Variants in TCF12 observed in about 807,000 individuals in gnomAD.
TCF12 encodes the protein transcription factor 12.
Under a neutral mutation model 86.0 loss-of-function variants are expected in TCF12, and 45 were observed. The observed-to-expected ratio is 0.52, with a 90% confidence interval of 0.41 to 0.67. The LOEUF (loss-of-function observed/expected upper bound fraction) is 0.67. Among genes scored for constraint, TCF12 ranks in the 30% least tolerant of loss-of-function variants. TCF12 has a pLI of 0.00. For missense variants in TCF12, 881 were observed against 859.9 expected (o/e 1.02, Z -0.31); for synonymous variants, 330 against 299.6 (o/e 1.10, Z -1.05).
At chr15:57,165,307 G>C (rs1373633959) in intron 5 of TCF12, among the ~76,000 whole-genome samples, 2 of 152,050 alleles carry the variant, frequency 1.3e-5, no homozygotes, top group Non-Finnish European at 2.9e-5. Flanking sequence ...CTCAAACTAG[G>C]GATCTGTTAT....
intron 5 of TCF12, chr15:57,109,428 T>G (rs1567440716): frequency 6.6e-6 from 1 of 152,240 alleles, no homozygotes. Flanking sequence ...TGATAATACT[T>G]AATATTGTAA....
At chr15:57,247,365 C>T (rs1486615502) in intron 13 of TCF12, 3 of 659,646 alleles carry the variant, frequency 4.5e-6, no homozygotes, top group Non-Finnish European at 8.3e-6. Flanking sequence ...CTACCACCTC[C>T]AAAGTTTCCT....
At chr15:57,132,699 A>G (rs2052224806) in intron 5 of TCF12, among the ~76,000 whole-genome samples, 2 of 151,850 alleles carry the variant, frequency 1.3e-5, no homozygotes, top group South Asian at 4.2e-4. Context: ...ATTTTTCCTG[A>G]TTTTTCTTTT....
At position 56,948,134 on chromosome 15, in the gene TCF12, T is replaced by G. The variant is rs578131686; in HGVS notation, c.148+27036T>G. Among the ~76,000 whole-genome samples the G allele has an allele frequency of 2.6e-5, 4 of 151,968 alleles. No homozygotes were observed. The East Asian group carries it at 7.7e-4, about 29-fold the overall frequency. On this transcript the variant is annotated intron_variant, in intron 3 of 20. Transcript: ENST00000333725. Reference sequence around the variant, plus strand: ...GTACAAAAATACCTTTTTTTTTTTATTTTTTGAGATGGGATCTCACTCTGT... The same window carrying G: ...GTACAAAAATACCTTTTTTTTTTTAGTTTTTGAGATGGGATCTCACTCTGT...
At chr15:57,222,119 A>G (rs951574289) in intron 8 of TCF12, among the ~76,000 whole-genome samples, 7 of 152,008 alleles carry the variant, frequency 4.6e-5, no homozygotes, top group African/African-American at 1.7e-4. Flanking sequence ...TACTAATAAT[A>G]AGTTCACATT....
intron 3 of TCF12, among the ~76,000 whole-genome samples, chr15:56,936,957 C>T (rs2060496298): frequency 6.6e-6 from 1 of 152,014 alleles, no homozygotes; most frequent in Non-Finnish European, 1.5e-5. Context: ...TGTGATGGCT[C>T]TTCTGGTTCC....
intron 6 of TCF12, among the ~76,000 whole-genome samples, chr15:57,180,553 C>A (rs11858783): frequency 0.39 from 58,585 of 151,774 alleles, 14,113 homozygotes; most frequent in Non-Finnish European, 0.53. Context: ...CTCCCTCCCC[C>A]AAAAAATAAA....
chr15:57,192,445 A>G (rs1276587506), intron 7 of TCF12, 152 bp downstream of exon 7: 19 of 1,150,960 alleles, frequency 1.7e-5, no homozygotes, highest in South Asian at 1.3e-4. Context: ...CAGGAATGCA[A>G]CAGCACAATC....
chr15:56,970,686 T>TA (rs1167308685), intron 3 of TCF12, among the ~76,000 whole-genome samples: 1 of 151,720 alleles, frequency 6.6e-6, no homozygotes, highest in African/African-American at 2.4e-5. Context: ...TTTGACTATG[T>TA]AAAAATTAAA....
chr15:56,970,537 A>T (rs1028360550), intron 3 of TCF12, among the ~76,000 whole-genome samples: 5 of 151,294 alleles, frequency 3.3e-5, no homozygotes, highest in African/African-American at 7.3e-5. Context: ...AAATGAAACA[A>T]TGGAACAGAG....
At chr15:57,140,602 T>C (rs1222931339) in intron 5 of TCF12, among the ~76,000 whole-genome samples, 1 of 152,266 alleles carries the variant, frequency 6.6e-6, no homozygotes, top group Admixed American at 6.5e-5. Flanking sequence ...GCTTGCTGAT[T>C]ACAAAGTGCC....
chr15:57,234,157 TAC>T (rs1285051645), intron 12 of TCF12, 50 bp downstream of exon 12: 1 of 1,388,844 alleles, frequency 7.2e-7, no homozygotes, highest in South Asian at 1.2e-5. Context: ...CACTACTGAA[TAC>T]AGTGATTAGA....
chr15:57,186,422 C>T (rs577930151), intron 6 of TCF12, among the ~76,000 whole-genome samples: 1 of 152,128 alleles, frequency 6.6e-6, no homozygotes, highest in Non-Finnish European at 1.5e-5. Flanking sequence ...TCACATGAGC[C>T]TGGGAGGTCA....
At chr15:56,994,074 C>T (rs2063580050) in intron 3 of TCF12, among the ~76,000 whole-genome samples, 1 of 151,950 alleles carries the variant, frequency 6.6e-6, no homozygotes, top group African/African-American at 2.4e-5. Flanking sequence ...AATGTTAGAA[C>T]TGAAAAATAC....
intron 3 of TCF12, among the ~76,000 whole-genome samples, chr15:56,963,027 C>CTTTTTTT (rs532973260): frequency 3.1e-5 from 3 of 96,234 alleles, no homozygotes; most frequent in Non-Finnish European, 4.3e-5. Context: ...GTGTTAAGGT[C>CTTTTTTT]TTTTTTTTTT....
Position 56,941,627 on chromosome 15 carries a change from G to A in TCF12, c.148+20529G>A, listed in dbSNP as rs192167575. The stretch of plus-strand genomic sequence containing the variant: ...TGACCTCAGGTGATCCGCCTTCCTC[G>A]GCCTCCCAAAGTGCTGGGATTACAG... On this transcript the variant is annotated intron_variant, in intron 3 of 20. Coordinates refer to ENST00000333725, the MANE Select transcript of TCF12 (RefSeq NM_207037.2). 3.7e-4 allele frequency among the ~76,000 whole-genome samples: 56 copies of A among 151,380 alleles called. 1 individual carries two copies. The South Asian group carries it at 8.2e-3, about 22-fold the overall frequency.
chr15:57,031,998 T>A (rs1347982248), intron 3 of TCF12, among the ~76,000 whole-genome samples: 1 of 152,190 alleles, frequency 6.6e-6, no homozygotes, highest in African/African-American at 2.4e-5. Flanking sequence ...TTGCATTTTT[T>A]ACTCTATCCT....
At chr15:57,149,417 A>G (rs899851426) in intron 5 of TCF12, among the ~76,000 whole-genome samples, 14 of 152,228 alleles carry the variant, frequency 9.2e-5, no homozygotes, top group Non-Finnish European at 1.6e-4. Context: ...AAAGAACTGG[A>G]AAATTGCCAG....
intron 8 of TCF12, among the ~76,000 whole-genome samples, chr15:57,212,454 C>T (rs541235790): frequency 1.3e-5 from 2 of 152,024 alleles, no homozygotes; most frequent in South Asian, 2.1e-4. Context: ...AATTTTTTAA[C>T]TTTTTGTAGA....
Sources: allele counts gnomAD v4.1 joint callset (sites outside exome capture counted in the v4.1 genomes callset), GRCh38; gene constraint gnomAD v4.1.1; transcripts MANE v1.5; gene names NCBI Gene and HGNC (gene_info 2026-07-23, HGNC 2026-07-21).